The following TXNDC9 variants were observed in gnomAD, a reference collection of about 807,000 sequenced individuals.
The protein encoded by TXNDC9 is thioredoxin domain-containing protein 9.
A neutral mutation model predicts 23.0 loss-of-function variants in TXNDC9; 7 were observed. The ratio of observed to expected loss-of-function variants is 0.30; its 90% CI spans 0.17 to 0.57. TXNDC9 has a LOEUF of 0.57. Among genes scored for constraint, TXNDC9 ranks in the 20% least tolerant of loss-of-function variants. The pLI is 0.90. For synonymous variants in TXNDC9, 72 were observed against 90.6 expected, an observed-to-expected ratio of 0.79 and a Z score of 1.17; for missense variants, 198 against 252.6, an observed-to-expected ratio of 0.78 and a Z score of 1.47.
chr2:99,331,413 A>G (rs1386427367), intron 2 of TXNDC9, among the ~76,000 whole-genome samples: 5 of 151,720 alleles, frequency 3.3e-5, no homozygotes, highest in African/African-American at 4.8e-5. Flanking sequence ...CATCTCTACT[A>G]AAGTACAAAA....
intron 3 of TXNDC9, among the ~76,000 whole-genome samples, chr2:99,326,061 A>G (rs555850479): frequency 1.3e-5 from 2 of 152,154 alleles, no homozygotes; most frequent in African/African-American, 2.4e-5. Flanking sequence ...ATAATATTTT[A>G]CATACTAGTA....
downstream of TXNDC9, among the ~76,000 whole-genome samples, chr2:99,313,987 A>G (rs2094182868): frequency 6.6e-6 from 1 of 152,170 alleles, no homozygotes; most frequent in African/African-American, 2.4e-5. Context: ...CTATTCATTA[A>G]ATATATATGA....
chr2:99,335,365 T>C (rs2105328107), intron 1 of TXNDC9, among the ~76,000 whole-genome samples: 1 of 152,348 alleles, frequency 6.6e-6, no homozygotes, highest in African/African-American at 2.4e-5. Flanking sequence ...CATACTTGAT[T>C]TCATCTTTGT....
chr2:99,310,197 G>A, the TXNDC9 span, among the ~76,000 whole-genome samples: 72 of 152,348 alleles, frequency 4.7e-4, 1 homozygote, highest in African/African-American at 1.4e-3. Flanking sequence ...TAAATGGGAC[G>A]TACAGAATAA....
At chr2:99,319,836 TTAGTAC>T in intron 4 of TXNDC9, 37 bp from the exon 5 acceptor site, 1 of 1,310,218 alleles carries the variant, frequency 7.6e-7, no homozygotes, top group Non-Finnish European at 1.1e-6. Context: ...TCTTTATGAT[TTAGTAC>T]TAGTATACTA....
At chr2:99,329,534 C>T (rs1006849501) in intron 2 of TXNDC9, among the ~76,000 whole-genome samples, 11 of 152,206 alleles carry the variant, frequency 7.2e-5, no homozygotes, top group African/African-American at 2.7e-4. Flanking sequence ...CCATTTACAT[C>T]GAGCTGACAC....
chr2:99,332,977 C>A (rs546456271), intron 2 of TXNDC9, 45 bp downstream of exon 2: 3 of 1,472,824 alleles, frequency 2.0e-6, no homozygotes, highest in Non-Finnish European at 1.9e-6. Flanking sequence ...AGTTGTTAGG[C>A]GCATACTGTT....
At chr2:99,316,885 T>C (rs1257942987), downstream of TXNDC9, among the ~76,000 whole-genome samples, 7 of 152,208 alleles carry the variant, frequency 4.6e-5, no homozygotes, top group Admixed American at 2.6e-4. Context: ...GCCTCCCCAG[T>C]AGGTGGGACT....
downstream of TXNDC9, among the ~76,000 whole-genome samples, chr2:99,318,590 G>A (rs1221492598): frequency 6.6e-6 from 1 of 152,156 alleles, no homozygotes; most frequent in Non-Finnish European, 1.5e-5. Flanking sequence ...CAGTCTACAA[G>A]GGGGAAAGGG....
At chr2:99,330,373 A>T (rs13013984) in intron 2 of TXNDC9, among the ~76,000 whole-genome samples, 2 of 149,436 alleles carry the variant, frequency 1.3e-5, no homozygotes, top group East Asian at 3.9e-4. Context: ...GAGGCTGAAG[A>T]CCCGAACCTG....
chr2:99,322,202 T>C lies in TXNDC9; in HGVS notation c.316A>G (p.Ile106Val), dbSNP rs770925675. The change falls in exon 4 of 5, where the codon ATA becomes GTA. Residue 106 changes from isoleucine to valine, a missense_variant. Physicochemically the swap from Ile to Val is conservative, Grantham distance 29. Coordinates refer to ENST00000264255, the MANE Select transcript of TXNDC9 (RefSeq NM_005783.4). ...AATATTGCCAGATGTCTGTCTAGTATTTTACACCTGTAAGTGACCACACAT... is the reference window on the plus strand; with the variant it reads ...AATATTGCCAGATGTCTGTCTAGTACTTTACACCTGTAAGTGACCACACAT... ...FYRDSTFRCK[I>V]LDRHLAILSK... 1 of 1,613,562 alleles carries C rather than the reference T, an allele frequency of 6.2e-7. No homozygotes were observed. Among genetic ancestry groups the C allele is most frequent in the Non-Finnish European group, 8.5e-7 (1 of 1,179,592 alleles).
At chr2:99,324,361 C>T (rs892197512) in intron 3 of TXNDC9, among the ~76,000 whole-genome samples, 11 of 152,094 alleles carry the variant, frequency 7.2e-5, no homozygotes, top group Non-Finnish European at 1.5e-4. Context: ...TTATGTGTAA[C>T]CTTGGTGCCT....
intron 2 of TXNDC9, among the ~76,000 whole-genome samples, chr2:99,330,316 A>AAAAAAAAAAAAAAAC (rs1385608079): frequency 6.9e-6 from 1 of 143,898 alleles, no homozygotes; most frequent in Non-Finnish European, 1.5e-5. Flanking sequence ...AAAAAAAAAA[A>AAAAAAAAAAAAAAAC]AAAGCTGCTA....
chr2:99,327,009 A>G (rs1441204716), intron 3 of TXNDC9, among the ~76,000 whole-genome samples: 1 of 152,210 alleles, frequency 6.6e-6, no homozygotes, highest in Non-Finnish European at 1.5e-5. Context: ...ACTTTCAGTA[A>G]TATTCATTTA....
chr2:99,327,722 T>C (rs1345584782), intron 2 of TXNDC9, 69 bp from the exon 3 acceptor site: 2 of 900,454 alleles, frequency 2.2e-6, no homozygotes, highest in Non-Finnish European at 3.5e-6. Flanking sequence ...ACATTTTAAG[T>C]GTCCAAATCA....
intron 3 of TXNDC9, among the ~76,000 whole-genome samples, chr2:99,325,523 T>C (rs1172292969): frequency 2.6e-5 from 4 of 152,236 alleles, no homozygotes; most frequent in Non-Finnish European, 5.9e-5. Flanking sequence ...CTGGATGATT[T>C]TGATTTTTCA....
chr2:99,325,689 C>T (rs750449244), intron 3 of TXNDC9, among the ~76,000 whole-genome samples: 6 of 152,070 alleles, frequency 3.9e-5, no homozygotes, highest in East Asian at 1.9e-4. Context: ...CTCTACAAAA[C>T]GAACAATCTA....
the TXNDC9 span, among the ~76,000 whole-genome samples, chr2:99,311,111 A>G: frequency 6.6e-6 from 1 of 152,108 alleles, no homozygotes; most frequent in African/African-American, 2.4e-5. Flanking sequence ...CTGTAACCTC[A>G]AACTCCTGGG....
chr2:99,326,306 A>G (rs2094212576), intron 3 of TXNDC9, among the ~76,000 whole-genome samples: 1 of 152,178 alleles, frequency 6.6e-6, no homozygotes, highest in Admixed American at 6.5e-5. Context: ...GTTAACTAAC[A>G]ATGAAGCTGT....
Sources: allele counts gnomAD v4.1 joint callset (sites outside exome capture counted in the v4.1 genomes callset), GRCh38; gene constraint gnomAD v4.1.1; transcripts MANE v1.5; gene names NCBI Gene and HGNC (gene_info 2026-07-23, HGNC 2026-07-21).